CNIH3: variants seen among roughly 807,000 people sequenced by gnomAD.
CNIH3 encodes cornichon family AMPA receptor auxiliary protein 3, also known as protein cornichon homolog 3.
In CNIH3, 14 loss-of-function variants were observed where a neutral mutation model predicts 24.1. That is an observed-to-expected ratio of 0.58 (90% CI 0.38 to 0.91). CNIH3 has a LOEUF of 0.91. CNIH3 is among the 40% of genes least tolerant of loss of function. The pLI is 0.00. For synonymous variants in CNIH3, 68 were observed against 73.8 expected (o/e 0.92, Z 0.40); for missense variants, 178 against 196.8 (o/e 0.90, Z 0.57).
intron 2 of CNIH3, among the ~76,000 whole-genome samples, chr1:224,522,155 A>C (rs1678661304): frequency 6.6e-6 from 1 of 152,134 alleles, no homozygotes; most frequent in African/African-American, 2.4e-5. Context: ...CTACTTCCTG[A>C]AGTTCTTAGT....
At chr1:224,702,091 G>GT (rs34747065) in intron 3 of CNIH3, among the ~76,000 whole-genome samples, 41 of 151,204 alleles carry the variant, frequency 2.7e-4, no homozygotes, top group African/African-American at 9.5e-4. Flanking sequence ...CTCCAGCTCA[G>GT]TTTTTTTTTT....
intron 1 of CNIH3, among the ~76,000 whole-genome samples, chr1:224,669,244 C>T (rs986472177): frequency 1.3e-5 from 2 of 152,250 alleles, no homozygotes; most frequent in Admixed American, 6.5e-5. Context: ...TTCCTGTTAA[C>T]TAGATGGGAA....
rs543092732 is a variant in CNIH3, at chr1:224,492,832, A to C, written n.204-22909A>C. ...GTCTACCTGTTACAGTTTTTATTGC[A>C]TATTTTTTTGACGTTTCTTCAAAAA... On this transcript the variant is annotated intron_variant and non_coding_transcript_variant, in intron 1 of 5. Transcript: ENST00000471578. Among the ~76,000 whole-genome samples the C allele has an allele frequency of 1.3e-4, 20 of 152,220 alleles. No individual in the cohort carries two copies. The East Asian group carries it at 3.7e-3, about 28-fold the overall frequency.
At chr1:224,676,062 T>G (rs967237189) in intron 1 of CNIH3, among the ~76,000 whole-genome samples, 1 of 151,578 alleles carries the variant, frequency 6.6e-6, no homozygotes, top group Non-Finnish European at 1.5e-5. Context: ...GCAGCTTTAT[T>G]CATAATTGTC....
chr1:224,632,002 TGCATTCCA>T (rs1165114293), intron 1 of CNIH3, among the ~76,000 whole-genome samples: 1 of 152,192 alleles, frequency 6.6e-6, no homozygotes, highest in African/African-American at 2.4e-5. Context: ...AATTAGTAAC[TGCATTCCA>T]GAGTTGTGGC....
intron 4 of CNIH3, among the ~76,000 whole-genome samples, chr1:224,570,796 T>G (rs1170493937): frequency 6.6e-6 from 1 of 152,186 alleles, no homozygotes; most frequent in Non-Finnish European, 1.5e-5. Flanking sequence ...ACATTGCCTA[T>G]ATTATCTTCT....
chr1:224,557,291 TC>T (rs1323014072), intron 3 of CNIH3, among the ~76,000 whole-genome samples: 1 of 151,904 alleles, frequency 6.6e-6, no homozygotes, highest in Non-Finnish European at 1.5e-5. Flanking sequence ...CAAACAATAC[TC>T]CCACCTCAGC....
chr1:224,563,983 G>A (rs898926698), intron 3 of CNIH3, among the ~76,000 whole-genome samples: 9 of 152,106 alleles, frequency 5.9e-5, no homozygotes, highest in African/African-American at 2.2e-4. Flanking sequence ...TCTATAGGGT[G>A]AATATACATT....
chr1:224,720,544 G>A (rs1281288112), intron 3 of CNIH3, among the ~76,000 whole-genome samples: 4 of 152,154 alleles, frequency 2.6e-5, no homozygotes, highest in Non-Finnish European at 4.4e-5. Flanking sequence ...GGTGGGCACC[G>A]TGGGTGGGAC....
At chr1:224,512,103 A>T (rs12140117), upstream of CNIH3, among the ~76,000 whole-genome samples, 4 of 151,112 alleles carry the variant, frequency 2.6e-5, no homozygotes, top group South Asian at 2.1e-4. Flanking sequence ...TGAACCCTGG[A>T]GGTGGAGGTT....
chr1:224,611,642 A>G (rs1471514540), upstream of CNIH3: 1 of 152,254 alleles, frequency 6.6e-6, no homozygotes. Context: ...AAACTGTGTC[A>G]TATGGCCTCT....
intron 1 of CNIH3, among the ~76,000 whole-genome samples, chr1:224,485,593 A>G (rs1297549859): frequency 6.6e-6 from 1 of 152,110 alleles, no homozygotes. Context: ...CCTGGGCCCA[A>G]GCAATCCTGT....
chr1:224,702,145 G>C (rs866558386), intron 3 of CNIH3, among the ~76,000 whole-genome samples: 12 of 151,892 alleles, frequency 7.9e-5, no homozygotes, highest in Middle Eastern at 3.4e-3. Flanking sequence ...CCTATAACTA[G>C]TTTTTTCCCC....
intron 3 of CNIH3, among the ~76,000 whole-genome samples, chr1:224,725,637 GCTGACAC>G (rs1688984155): frequency 6.6e-6 from 1 of 152,156 alleles, no homozygotes; most frequent in African/African-American, 2.4e-5. Context: ...TCCCAGGCAT[GCTGACAC>G]CAGCCCCTCA....
intron 4 of CNIH3, among the ~76,000 whole-genome samples, chr1:224,733,156 A>C (rs1689423535): frequency 6.6e-6 from 1 of 152,176 alleles, no homozygotes; most frequent in Non-Finnish European, 1.5e-5. Flanking sequence ...TTCCCAGGTT[A>C]TTTGCATACA....
intron 1 of CNIH3, among the ~76,000 whole-genome samples, chr1:224,650,071 C>G (rs995802409): frequency 6.6e-6 from 1 of 152,170 alleles, no homozygotes; most frequent in Non-Finnish European, 1.5e-5. Flanking sequence ...CTTCCTCAGG[C>G]ACGAAGTGTT....
intron 1 of CNIH3, among the ~76,000 whole-genome samples, chr1:224,440,501 A>G (rs2102943791): frequency 6.6e-6 from 1 of 152,354 alleles, no homozygotes; most frequent in Middle Eastern, 3.4e-3. Context: ...CTGGGATTAC[A>G]GACATGAGCA....
intron 1 of CNIH3, among the ~76,000 whole-genome samples, chr1:224,636,775 A>T (rs905094956): frequency 4.6e-5 from 7 of 152,164 alleles, no homozygotes; most frequent in Admixed American, 1.3e-4. Context: ...TGATTGAATT[A>T]AAAAAAGCGG....
chr1:224,454,615 C>G (rs1269521151), intron 1 of CNIH3, among the ~76,000 whole-genome samples: 1 of 152,166 alleles, frequency 6.6e-6, no homozygotes, highest in Non-Finnish European at 1.5e-5. Context: ...TGGTCAGTGA[C>G]CTGTCTGAGC....
Sources: gnomAD v4.1 joint callset for allele counts (sites outside exome capture counted in the v4.1 genomes callset) on GRCh38, gnomAD v4.1.1 for gene constraint, MANE v1.5 for transcripts, NCBI Gene and HGNC (gene_info 2026-07-23, HGNC 2026-07-21) for gene names.